Variants in RIPOR2 observed in about 807,000 individuals in gnomAD.
RIPOR2 encodes rho family-interacting cell polarization regulator 2.
RIPOR2 carries 39 observed loss-of-function variants against 114.5 expected under a neutral mutation model. That is an observed-to-expected ratio of 0.34 (90% CI 0.26 to 0.44). The LOEUF (loss-of-function observed/expected upper bound fraction) is 0.44, where lower values mean the gene tolerates loss of function less well. Among genes scored for constraint, RIPOR2 ranks in the 20% least tolerant of loss-of-function variants. The pLI is 1.00. For missense variants in RIPOR2, 1,007 were observed against 1,255.1 expected (o/e 0.80, Z 2.99); for synonymous variants, 445 against 484.4 (o/e 0.92, Z 1.07).
intron 7 of RIPOR2, among the ~76,000 whole-genome samples, chr6:24,862,588 C>T (rs192967484): frequency 3.3e-5 from 5 of 152,304 alleles, no homozygotes; most frequent in South Asian, 2.1e-4. Context: ...CTGAGCTCTG[C>T]GTAGCTTGAA....
rs567534943 is a variant in RIPOR2 at position 24,993,678 on chromosome 6, A to T, written c.76+48173T>A. On this transcript the variant is annotated intron_variant, in intron 1 of 13. Transcript: ENST00000510784. ...GTAATTCAAAGAAGTATCCTATATC[A>T]GAGGTCTTCAAACTGTGACCTGAGG... Among the ~76,000 whole-genome samples the T allele has an allele frequency of 1.7e-4, 26 of 152,386 alleles. No individual in the cohort carries two copies. The South Asian group carries it at 2.1e-3, about 12-fold the overall frequency.
chr6:24,980,184 G>A (rs1774229252), intron 1 of RIPOR2, among the ~76,000 whole-genome samples: 1 of 152,172 alleles, frequency 6.6e-6, no homozygotes, highest in African/African-American at 2.4e-5. Context: ...TAGAGCCATT[G>A]AGAAGCTGCT....
chr6:24,909,119 C>A (rs1769281625), intron 1 of RIPOR2, among the ~76,000 whole-genome samples: 1 of 152,130 alleles, frequency 6.6e-6, no homozygotes, highest in Non-Finnish European at 1.5e-5. Flanking sequence ...CAGGCAGATG[C>A]ATTATCTTCC....
Position 24,891,250 on chromosome 6 carries a change from A to G in RIPOR2, c.62-15433T>C, listed in dbSNP as rs897822777. On this transcript the variant is annotated intron_variant, in intron 1 of 21. Coordinates refer to ENST00000643898, the MANE Select transcript of RIPOR2 (RefSeq NM_001286445.3). ...TAATTTTAGCAAATTAAACTGCCAT[A>G]AAAGGAATAGTGGTTTCATTGCTGG... 2.0e-5 allele frequency among the ~76,000 whole-genome samples: 3 copies of G among 152,204 alleles called. No homozygotes were observed. The East Asian group carries it at 5.8e-4, about 29-fold the overall frequency.
intron 1 of RIPOR2, among the ~76,000 whole-genome samples, chr6:24,880,581 G>T (rs1481881195): frequency 6.6e-6 from 1 of 152,102 alleles, no homozygotes; most frequent in Non-Finnish European, 1.5e-5. Flanking sequence ...GAGTTGCCTA[G>T]AAATAGAAGT....
intron 1 of RIPOR2, among the ~76,000 whole-genome samples, chr6:25,005,641 G>A (rs1775516695): frequency 7.0e-6 from 1 of 143,594 alleles, no homozygotes; most frequent in Non-Finnish European, 1.5e-5. Context: ...TTAGCTTCTG[G>A]TGAATGTGGC....
intron 1 of RIPOR2, among the ~76,000 whole-genome samples, chr6:24,985,926 T>C (rs1774510766): frequency 6.6e-6 from 1 of 152,076 alleles, no homozygotes; most frequent in African/African-American, 2.4e-5. Context: ...GAAAACAGGG[T>C]GAAATATAAT....
intron 1 of RIPOR2, among the ~76,000 whole-genome samples, chr6:24,948,715 G>A (rs925413053): frequency 6.6e-6 from 1 of 152,046 alleles, no homozygotes; most frequent in Admixed American, 6.6e-5. Flanking sequence ...ATTTTTAGTA[G>A]AGATGGGGTT....
chr6:24,820,118 C>T (rs1285890824), intron 19 of RIPOR2, among the ~76,000 whole-genome samples: 5 of 152,154 alleles, frequency 3.3e-5, no homozygotes, highest in African/African-American at 7.2e-5. Flanking sequence ...CTGCAACCTC[C>T]GCCTCCCGGG....
intron 13 of RIPOR2, chr6:24,839,619 C>A (rs760249384): frequency 6.5e-7 from 1 of 1,534,356 alleles, no homozygotes; most frequent in Non-Finnish European, 8.8e-7. Flanking sequence ...ATTTTTATAA[C>A]AAAAAGTTGA....
Position 24,860,687 on chromosome 6 carries a change from G to A in RIPOR2, c.715+286C>T, listed in dbSNP as rs141980900. 8.1e-4 allele frequency among the ~76,000 whole-genome samples: 124 copies of A among 152,284 alleles called. 1 individual carries two copies. In the East Asian group the frequency reaches 0.023, roughly 28 times the overall value. ...AAAGCAAAGAGATGGAGCAAATGTG[G>A]CAAAATCTTGCTAATTATTACATCT... On this transcript the variant is annotated intron_variant, in intron 8 of 21. Coordinates refer to ENST00000643898, the MANE Select transcript of RIPOR2 (RefSeq NM_001286445.3).
At chr6:24,989,498 T>A (rs965029420) in intron 1 of RIPOR2, among the ~76,000 whole-genome samples, 1 of 151,882 alleles carries the variant, frequency 6.6e-6, no homozygotes, top group African/African-American at 2.4e-5. Context: ...GGTTTCACCA[T>A]GTTGTCCAGG....
intron 9 of RIPOR2, among the ~76,000 whole-genome samples, chr6:24,850,969 C>T (rs1224457678): frequency 1.3e-5 from 2 of 151,010 alleles, no homozygotes; most frequent in Admixed American, 6.6e-5. Context: ...GATCTTGGCT[C>T]GCTGCAACCT....
rs538280866 is a variant in RIPOR2, at chr6:24,934,730, C to G, written c.61+1108G>C. On this transcript the variant is annotated intron_variant, in intron 1 of 21. Coordinates refer to ENST00000643898, the MANE Select transcript of RIPOR2 (RefSeq NM_001286445.3). Reference sequence around the variant, plus strand: ...CCAAATTTCCTTTATTTAGGTGGCTCCAAATTCTAAAAAAGCTTTTGCCTA... The same window carrying G: ...CCAAATTTCCTTTATTTAGGTGGCTGCAAATTCTAAAAAAGCTTTTGCCTA... 5.9e-5 allele frequency among the ~76,000 whole-genome samples: 9 copies of G among 152,224 alleles called. No individual in the cohort carries two copies. The South Asian group carries it at 1.2e-3, about 21-fold the overall frequency.
chr6:24,832,135 A>G (rs1760737123), intron 16 of RIPOR2, 121 bp downstream of exon 16: 3 of 1,014,780 alleles, frequency 3.0e-6, no homozygotes, highest in East Asian at 2.7e-5. Context: ...ACCTTTCTCA[A>G]TCCTGTGACC....
intron 1 of RIPOR2, among the ~76,000 whole-genome samples, chr6:24,880,096 C>T (rs563176268): frequency 3.0e-4 from 46 of 152,210 alleles, no homozygotes; most frequent in Non-Finnish European, 5.1e-4. Flanking sequence ...GTTTAAGCTG[C>T]AAAACATACT....
chr6:24,942,912 G>C (rs1772213569), intron 1 of RIPOR2, among the ~76,000 whole-genome samples: 1 of 152,146 alleles, frequency 6.6e-6, no homozygotes, highest in African/African-American at 2.4e-5. Flanking sequence ...AAGCTCTTTA[G>C]TTTAATTAGA....
At chr6:24,942,898 G>A (rs1336479798) in intron 1 of RIPOR2, among the ~76,000 whole-genome samples, 2 of 152,140 alleles carry the variant, frequency 1.3e-5, no homozygotes, top group East Asian at 3.8e-4. Context: ...CTTTTGCTGT[G>A]CAGAAGCTCT....
At chr6:24,905,015 T>G (rs924057420) in intron 1 of RIPOR2, among the ~76,000 whole-genome samples, 6 of 152,122 alleles carry the variant, frequency 3.9e-5, no homozygotes, top group Non-Finnish European at 7.4e-5. Context: ...CCTCCAATGA[T>G]CCACCCGCCT....
Sources: gnomAD v4.1 joint callset for allele counts (sites outside exome capture counted in the v4.1 genomes callset) on GRCh38, gnomAD v4.1.1 for gene constraint, MANE v1.5 for transcripts, NCBI Gene and HGNC (gene_info 2026-07-23, HGNC 2026-07-21) for gene names.